Variants in FAR2 observed in about 807,000 individuals in gnomAD.
FAR2 encodes the protein fatty acyl-CoA reductase 2.
In FAR2, 19 loss-of-function variants were observed where a neutral mutation model predicts 56.0. The ratio of observed to expected loss-of-function variants is 0.34; its 90% CI spans 0.24 to 0.50. The LOEUF (loss-of-function observed/expected upper bound fraction) is 0.50. Among genes scored for constraint, FAR2 ranks in the 20% least tolerant of loss-of-function variants. The pLI is 0.98. For synonymous variants in FAR2, 219 were observed against 218.8 expected, an observed-to-expected ratio of 1.00 and a Z score of -0.01; for missense variants, 508 against 642.2, an observed-to-expected ratio of 0.79 and a Z score of 2.26.
In FAR2 at chr12:29,257,371, A is replaced by G. The variant is rs546702454; in HGVS notation, c.-38-13041A>G. On this transcript the variant is annotated intron_variant, in intron 1 of 11. Coordinates refer to ENST00000536681, the MANE Select transcript of FAR2 (RefSeq NM_001271783.2). The stretch of plus-strand genomic sequence containing the variant: ...TGTCTAGCTCAGGGATTGTAAATGC[A>G]CCAATCAGCGCCCTGTCAAAACAGA... Among the ~76,000 whole-genome samples, 23 of 152,294 alleles carry G rather than the reference A, an allele frequency of 1.5e-4. No homozygotes were observed. The South Asian group carries it at 4.1e-3, about 27-fold the overall frequency.
chr12:29,205,887 T>C (rs182214897), intron 1 of FAR2, among the ~76,000 whole-genome samples: 5 of 152,236 alleles, frequency 3.3e-5, no homozygotes, highest in Non-Finnish European at 7.4e-5. Flanking sequence ...ATTGTGGGGA[T>C]TAGATGCTCA....
chr12:29,271,144 A>T (rs976880058), intron 2 of FAR2, among the ~76,000 whole-genome samples: 3 of 152,184 alleles, frequency 2.0e-5, no homozygotes, highest in Non-Finnish European at 2.9e-5. Flanking sequence ...TGATATTTCT[A>T]TTATCCAATA....
intron 1 of FAR2, among the ~76,000 whole-genome samples, chr12:29,244,377 C>G (rs935163928): frequency 1.3e-5 from 2 of 152,140 alleles, no homozygotes; most frequent in Non-Finnish European, 2.9e-5. Flanking sequence ...ACTTTGAACT[C>G]TAAATGCTAA....
intron 10 of FAR2, among the ~76,000 whole-genome samples, chr12:29,322,299 T>C (rs1003769305): frequency 5.9e-5 from 9 of 152,184 alleles, no homozygotes; most frequent in Non-Finnish European, 1.3e-4. Flanking sequence ...AAAATAATGA[T>C]TTTATTGCTT....
chr12:29,294,505 G>A (rs148141110), intron 3 of FAR2, among the ~76,000 whole-genome samples: 26 of 152,078 alleles, frequency 1.7e-4, no homozygotes, highest in South Asian at 2.1e-4. Context: ...CTGCCACCAC[G>A]CTCGGCTAAT....
At chr12:29,289,486 G>C (rs1948927539) in intron 2 of FAR2, among the ~76,000 whole-genome samples, 1 of 152,118 alleles carries the variant, frequency 6.6e-6, no homozygotes, top group South Asian at 2.1e-4. Flanking sequence ...ACGATATCCA[G>C]ATACAGCAGA....
chr12:29,157,106 T>TTTA (rs1207127541), intron 1 of FAR2: 4 of 73,458 alleles, frequency 5.4e-5, no homozygotes, highest in Non-Finnish European at 9.8e-5. Context: ...AAAGAACATT[T>TTTA]TATATATATA....
At chr12:29,206,853 A>G (rs1947482282) in intron 1 of FAR2, among the ~76,000 whole-genome samples, 1 of 152,164 alleles carries the variant, frequency 6.6e-6, no homozygotes, top group African/African-American at 2.4e-5. Flanking sequence ...TGGTGTGAGC[A>G]TCGGATAGGT....
intron 1 of FAR2, among the ~76,000 whole-genome samples, chr12:29,179,324 G>A (rs1253529510): frequency 6.6e-6 from 1 of 152,164 alleles, no homozygotes; most frequent in Non-Finnish European, 1.5e-5. Context: ...GAAAGAGCAA[G>A]GACACTTATA....
rs536998585 is a variant in FAR2, at chr12:29,149,636, G to A, written c.-39+229G>A. Among the ~76,000 whole-genome samples, 10 of 152,366 alleles carry A rather than the reference G, an allele frequency of 6.6e-5. No homozygotes were observed. In the South Asian group the frequency reaches 1.7e-3, roughly 25 times the overall value. On this transcript the variant is annotated intron_variant, in intron 1 of 11. Coordinates refer to ENST00000536681, the MANE Select transcript of FAR2 (RefSeq NM_001271783.2). ...GGCTGCACCCCAATCGTCACCGGCCGTTTACGCGCGGTTGGCGTCGGCGGA... is the reference window on the plus strand; with the variant it reads ...GGCTGCACCCCAATCGTCACCGGCCATTTACGCGCGGTTGGCGTCGGCGGA...
At chr12:29,260,314 C>T (rs180958490) in intron 1 of FAR2, among the ~76,000 whole-genome samples, 1,540 of 152,168 alleles carry the variant, frequency 0.01, 13 homozygotes, top group Non-Finnish European at 0.017. Flanking sequence ...GCAGCTTTGT[C>T]CTGAGGGGAG....
intron 1 of FAR2, among the ~76,000 whole-genome samples, chr12:29,208,210 A>G (rs751244302): frequency 1.3e-5 from 2 of 152,222 alleles, no homozygotes; most frequent in Admixed American, 6.5e-5. Context: ...TCTAAAAGCA[A>G]CGGAAATCCT....
chr12:29,214,379 A>C (rs1947594126), intron 1 of FAR2, among the ~76,000 whole-genome samples: 1 of 152,244 alleles, frequency 6.6e-6, no homozygotes, highest in African/African-American at 2.4e-5. Flanking sequence ...CATGTGCCAG[A>C]AAGTGTTCTA....
chr12:29,313,857 T>TCCTGC (rs1949396352), intron 8 of FAR2, among the ~76,000 whole-genome samples: 1 of 152,212 alleles, frequency 6.6e-6, no homozygotes, highest in Admixed American at 6.5e-5. Context: ...CTTCATTTTC[T>TCCTGC]ACTGCATTGA....
At chr12:29,179,054 T>C (rs955777573) in intron 1 of FAR2, among the ~76,000 whole-genome samples, 2 of 152,138 alleles carry the variant, frequency 1.3e-5, no homozygotes, top group African/African-American at 4.8e-5. Flanking sequence ...TCTGTATGTG[T>C]TTGTGTGCAG....
chr12:29,209,292 C>G (rs1008697155), intron 1 of FAR2, among the ~76,000 whole-genome samples: 25 of 152,100 alleles, frequency 1.6e-4, no homozygotes, highest in African/African-American at 6.0e-4. Context: ...AAGTGTATTC[C>G]TATGCTTAAA....
intron 1 of FAR2, among the ~76,000 whole-genome samples, chr12:29,190,951 C>T (rs1950098373): frequency 6.6e-6 from 1 of 152,182 alleles, no homozygotes; most frequent in Non-Finnish European, 1.5e-5. Context: ...GTGTTCTCTT[C>T]TTCTGAAATA....
intron 1 of FAR2, among the ~76,000 whole-genome samples, chr12:29,269,302 T>C (rs558294366): frequency 6.6e-6 from 1 of 152,300 alleles, no homozygotes; most frequent in South Asian, 2.1e-4. Context: ...ATTTCTCCCA[T>C]TTGCTTTTGA....
chr12:29,309,407 T>C (rs1376124251), intron 6 of FAR2, among the ~76,000 whole-genome samples, 177 bp downstream of exon 6: 10 of 152,182 alleles, frequency 6.6e-5, no homozygotes, highest in Non-Finnish European at 4.4e-5. Context: ...AATTATTCTT[T>C]GAGAATTTTT....
Sources: gnomAD v4.1 joint callset for allele counts (sites outside exome capture counted in the v4.1 genomes callset) on GRCh38, gnomAD v4.1.1 for gene constraint, MANE v1.5 for transcripts, NCBI Gene and HGNC (gene_info 2026-07-23, HGNC 2026-07-21) for gene names.